SP140: variants seen among roughly 807,000 people sequenced by gnomAD.
The protein encoded by SP140 is nuclear body protein SP140.
Under a neutral mutation model 125.0 loss-of-function variants are expected in SP140, and 81 were observed. The observed-to-expected ratio is 0.65, with a 90% confidence interval of 0.54 to 0.78. SP140 has a LOEUF of 0.78. Among genes scored for constraint, SP140 ranks in the 30% least tolerant of loss-of-function variants. The probability of loss-of-function intolerance (pLI) is 0.00; values close to 1 mark genes in which losing one functional copy is unlikely to be tolerated. For missense variants in SP140, 858 were observed against 1,037.0 expected, an observed-to-expected ratio of 0.83 and a Z score of 2.37; for synonymous variants, 312 against 354.0, an observed-to-expected ratio of 0.88 and a Z score of 1.33.
intron 22 of SP140, among the ~76,000 whole-genome samples, chr2:230,309,447 G>A (rs1046585672): frequency 6.6e-6 from 1 of 152,184 alleles, no homozygotes; most frequent in African/African-American, 2.4e-5. Context: ...TCCCTAACTA[G>A]GCCCTCTCTT....
Position 230,251,030 on chromosome 2 carries a change from A to G in SP140, c.1026A>G (p.Glu342=). ...SEMCDGEEPQ[E]ASSSLARCGS... ...TGTGTGATGGAGAAGAGCCCCAGGAAGCCTCTAGCTCCCTAGCAAGATGTG... is the reference window on the plus strand; with the variant it reads ...TGTGTGATGGAGAAGAGCCCCAGGAGGCCTCTAGCTCCCTAGCAAGATGTG... The change falls in exon 10 of 27, where the codon GAA becomes GAG. Residue 342 remains glutamate (E), a synonymous_variant. Coordinates refer to ENST00000392045, the MANE Select transcript of SP140 (RefSeq NM_007237.5). 6.2e-7 allele frequency: 1 copy of G among 1,613,756 alleles called. No homozygotes were observed. The highest frequency in any genetic ancestry group is 8.5e-7 in the Non-Finnish European group (1 of 1,179,818).
At chr2:230,292,154 T>C (rs1165261664) in intron 19 of SP140, among the ~76,000 whole-genome samples, 1 of 152,226 alleles carries the variant, frequency 6.6e-6, no homozygotes, top group East Asian at 1.9e-4. Flanking sequence ...GCCACTAGAC[T>C]GCATAAAACA....
At chr2:230,277,987 A>G (rs912789807) in intron 15 of SP140, among the ~76,000 whole-genome samples, 1 of 152,118 alleles carries the variant, frequency 6.6e-6, no homozygotes, top group African/African-American at 2.4e-5. Flanking sequence ...CATTTCCTAT[A>G]AATTCATACC....
chr2:230,254,287 C>T (rs190473331), intron 11 of SP140, among the ~76,000 whole-genome samples: 34 of 152,276 alleles, frequency 2.2e-4, no homozygotes, highest in Non-Finnish European at 4.4e-4. Flanking sequence ...TAGACAGCAG[C>T]AACATCCAGC....
At chr2:230,307,990 T>TATATATATATATATATATATACAC in intron 22 of SP140, among the ~76,000 whole-genome samples, 1 of 52,640 alleles carries the variant, frequency 1.9e-5, no homozygotes, top group South Asian at 1.0e-3. Flanking sequence ...TATATATATA[T>TATATATATATATATATATATACAC]ACACACACAC....
intron 21 of SP140, among the ~76,000 whole-genome samples, chr2:230,296,138 G>C (rs1225646016): frequency 1.3e-5 from 2 of 152,086 alleles, no homozygotes; most frequent in Non-Finnish European, 2.9e-5. Flanking sequence ...CTACTCAGGA[G>C]ACTGAGGTGG....
At chr2:230,312,127 G>A (rs1425738245) in intron 26 of SP140, among the ~76,000 whole-genome samples, 2 of 152,136 alleles carry the variant, frequency 1.3e-5, no homozygotes, top group Non-Finnish European at 2.9e-5. Context: ...GCAACCAAAG[G>A]CAAAGAAGTA....
upstream of SP140, among the ~76,000 whole-genome samples, chr2:230,198,395 G>A (rs777051964): frequency 1.3e-5 from 2 of 152,194 alleles, no homozygotes; most frequent in Non-Finnish European, 2.9e-5. Context: ...TGGAACTAGA[G>A]GAGGGCAGTC....
intron 21 of SP140, among the ~76,000 whole-genome samples, chr2:230,294,734 G>A (rs932276687): frequency 2.6e-5 from 4 of 152,186 alleles, no homozygotes; most frequent in African/African-American, 7.2e-5. Context: ...TCTAACTTTA[G>A]TGAAATAGGA....
At chr2:230,234,082 A>T (rs1356280601) in intron 1 of SP140, among the ~76,000 whole-genome samples, 2 of 152,220 alleles carry the variant, frequency 1.3e-5, no homozygotes, top group Non-Finnish European at 2.9e-5. Context: ...GGCTTTACTG[A>T]TACTGATTTC....
chr2:230,292,826 T>C (rs2057284705), intron 20 of SP140, 38 bp downstream of exon 20: 1 of 1,612,328 alleles, frequency 6.2e-7, no homozygotes, highest in Non-Finnish European at 8.5e-7. Context: ...GTGTTCCTTC[T>C]TGTTCCCTAA....
At chr2:230,264,207 T>G (rs1269561788) in intron 12 of SP140, among the ~76,000 whole-genome samples, 1 of 152,172 alleles carries the variant, frequency 6.6e-6, no homozygotes, top group Non-Finnish European at 1.5e-5. Flanking sequence ...ATTGGGTTAA[T>G]TCAAAGACCT....
chr2:230,268,352 C>G (rs2053434590), intron 12 of SP140, among the ~76,000 whole-genome samples: 1 of 151,662 alleles, frequency 6.6e-6, no homozygotes, highest in Admixed American at 6.6e-5. Flanking sequence ...GGAGAAATCC[C>G]CTCTCTACTA....
In SP140 at chr2:230,287,894, A is replaced by T; in HGVS notation, c.1648A>T (p.Arg550Ter). The change falls in exon 18 of 27, where the codon AGA (arginine) becomes TGA (stop). Residue 550 changes from arginine (R) to a stop codon, truncating the protein, a stop_gained and splice_region_variant. Coordinates refer to ENST00000392045, the MANE Select transcript of SP140 (RefSeq NM_007237.5). LOFTEE classifies it high-confidence loss of function. The part of the protein sequence containing the change: ...NLKDLSKIRG[R>*]KRGKPGTRFT... Reference sequence around the variant, plus strand: ...ATTATATTATTCTACTTTCTCAGGGAGAAAGAGAGGCAAACCTGGAACCCG... The same window carrying T: ...ATTATATTATTCTACTTTCTCAGGGTGAAAGAGAGGCAAACCTGGAACCCG... 1 of 1,610,902 alleles carries T rather than the reference A, an allele frequency of 6.2e-7. No individual in the cohort carries two copies. Among genetic ancestry groups the T allele is most frequent in the South Asian group, 1.1e-5 (1 of 90,788 alleles).
intron 1 of SP140, among the ~76,000 whole-genome samples, chr2:230,207,512 C>T (rs2148893951): frequency 6.6e-6 from 1 of 152,218 alleles, no homozygotes; most frequent in African/African-American, 2.4e-5. Context: ...CTAGCAGAAA[C>T]CTCTAAAGGA....
At chr2:230,275,142 A>ATAT (rs2054525234) in intron 15 of SP140, among the ~76,000 whole-genome samples, 1 of 152,034 alleles carries the variant, frequency 6.6e-6, no homozygotes, top group African/African-American at 2.4e-5. Flanking sequence ...AGGAATACTT[A>ATAT]TATATGATAT....
At chr2:230,227,535 T>C (rs1489219338) in intron 1 of SP140, among the ~76,000 whole-genome samples, 1 of 152,244 alleles carries the variant, frequency 6.6e-6, no homozygotes, top group Admixed American at 6.5e-5. Flanking sequence ...CTGGTAGGAT[T>C]AGCTAGTGAT....
intron 11 of SP140, among the ~76,000 whole-genome samples, chr2:230,254,799 T>C (rs909632681): frequency 1.3e-5 from 2 of 152,238 alleles, no homozygotes; most frequent in African/African-American, 2.4e-5. Flanking sequence ...CCACCCTTCA[T>C]GGGGCCCCAG....
rs11675451 is a variant in SP140 at position 230,211,199 on chromosome 2, C to T, written c.-322-2455C>T. ...CATTTGGAGTCCAAACCTACAGGCA[C>T]TGGTGGGGCTCTGTCCATCATCATC... On this transcript the variant is annotated intron_variant, in intron 1 of 4. Transcript: ENST00000456542. This position sits in a 1 kb window ranked among gnomAD's most constrained non-coding sequence, Gnocchi z 4.2. Among the ~76,000 whole-genome samples the T allele has an allele frequency of 1.3e-5, 2 of 152,184 alleles. No homozygotes were observed. Among genetic ancestry groups the T allele is most frequent in the African/African-American group, 4.8e-5 (2 of 41,448 alleles).
Sources: allele counts gnomAD v4.1 joint callset (sites outside exome capture counted in the v4.1 genomes callset), GRCh38; gene constraint gnomAD v4.1.1; non-coding constraint Gnocchi (gnomAD v3.1); transcripts MANE v1.5; gene names NCBI Gene and HGNC (gene_info 2026-07-23, HGNC 2026-07-21).